Variants in RSRC1 observed in about 807,000 individuals in gnomAD.
RSRC1 encodes the protein arginine and serine rich coiled-coil 1.
In RSRC1, 39 loss-of-function variants were observed where a neutral mutation model predicts 49.1. The observed-to-expected ratio is 0.79, with a 90% CI of 0.61 to 1.04. RSRC1 has a LOEUF of 1.04. RSRC1 is among the 50% of genes least tolerant of loss of function. The pLI, the probability that RSRC1 is intolerant of heterozygous loss-of-function variation, is 0.00. For missense variants in RSRC1, 388 were observed against 402.4 expected (o/e 0.96, Z 0.31); for synonymous variants, 143 against 130.8 (o/e 1.09, Z -0.63).
In RSRC1 at chr3:158,538,359, A is replaced by C. The variant is rs149515561; in HGVS notation, c.759+1161A>C. 1.1e-4 allele frequency among the ~76,000 whole-genome samples: 16 copies of C among 151,974 alleles called. No homozygotes were observed. The East Asian group carries it at 2.3e-3, about 22-fold the overall frequency. ...TCCTTTGAACTTTTGATAGTTTGCC[A>C]CCACAACTCCTAAAAAAATGGGGCT... is the stretch of plus-strand genomic sequence containing the variant. On this transcript the variant is annotated intron_variant, in intron 8 of 9. Transcript: ENST00000611884.
At chr3:158,251,223 T>G (rs1724193232) in intron 4 of RSRC1, among the ~76,000 whole-genome samples, 1 of 152,176 alleles carries the variant, frequency 6.6e-6, no homozygotes, top group Non-Finnish European at 1.5e-5. Context: ...TTACTATAGC[T>G]CTGTAGTTTT....
chr3:158,464,348 A>G (rs1193072074), intron 7 of RSRC1, among the ~76,000 whole-genome samples: 2 of 152,164 alleles, frequency 1.3e-5, no homozygotes, highest in Non-Finnish European at 2.9e-5. Context: ...TCTCTCTAAT[A>G]TGAATTTCCT....
At chr3:158,181,955 A>G (rs550931611) in intron 3 of RSRC1, among the ~76,000 whole-genome samples, 16 of 152,260 alleles carry the variant, frequency 1.1e-4, no homozygotes, top group African/African-American at 3.8e-4. Flanking sequence ...CAGAGCTTAC[A>G]TTCTAACAAG....
At chr3:158,283,338 G>T (rs1362230861) in intron 4 of RSRC1, among the ~76,000 whole-genome samples, 1 of 151,352 alleles carries the variant, frequency 6.6e-6, no homozygotes, top group Admixed American at 6.6e-5. Flanking sequence ...TTTCATGGAA[G>T]ACACTTTAGA....
At chr3:158,311,984 C>T (rs1728155659) in intron 5 of RSRC1, among the ~76,000 whole-genome samples, 2 of 152,006 alleles carry the variant, frequency 1.3e-5, no homozygotes, top group South Asian at 4.2e-4. Context: ...GAGTATTAAT[C>T]CATAAGAGTA....
chr3:158,417,978 G>T (rs1210454707), intron 6 of RSRC1, among the ~76,000 whole-genome samples: 1 of 151,866 alleles, frequency 6.6e-6, no homozygotes, highest in African/African-American at 2.4e-5. Flanking sequence ...TAAGCCCAAA[G>T]TTGATTGTCA....
At chr3:158,136,234 T>C (rs920348940) in intron 3 of RSRC1, among the ~76,000 whole-genome samples, 4 of 152,212 alleles carry the variant, frequency 2.6e-5, no homozygotes, top group African/African-American at 9.6e-5. Flanking sequence ...GATTCGAAAT[T>C]ACATGAAAAT....
intron 7 of RSRC1, among the ~76,000 whole-genome samples, chr3:158,521,129 A>G: frequency 6.6e-6 from 1 of 152,184 alleles, no homozygotes; most frequent in East Asian, 1.9e-4. Context: ...TTAGAAGACT[A>G]GTCACCTATT....
intron 3 of RSRC1, among the ~76,000 whole-genome samples, chr3:158,148,225 A>G (rs1338847105): frequency 6.6e-6 from 1 of 152,122 alleles, no homozygotes; most frequent in Non-Finnish European, 1.5e-5. Flanking sequence ...TGTTTGGTGC[A>G]TGTAAGACTA....
At chr3:158,285,822 A>G (rs1003442986) in intron 4 of RSRC1, among the ~76,000 whole-genome samples, 2 of 152,272 alleles carry the variant, frequency 1.3e-5, no homozygotes, top group East Asian at 1.9e-4. Flanking sequence ...TAGATATACA[A>G]TCATGTCATC....
At chr3:158,235,651 AT>A (rs36018934) in intron 4 of RSRC1, among the ~76,000 whole-genome samples, 72,314 of 151,906 alleles carry the variant, frequency 0.48, 17,767 homozygotes, top group East Asian at 0.64. Context: ...TTTACATATA[AT>A]TTTTCTCCTT....
chr3:158,437,956 C>G lies in RSRC1; in HGVS notation c.584-22979C>G, dbSNP rs903631110. On this transcript the variant is annotated intron_variant, in intron 6 of 9. Coordinates refer to ENST00000611884, the MANE Select transcript of RSRC1 (RefSeq NM_001271838.2). ...CCCAAAATCTCCTTCAGCTGATAAA[C>G]AACTTCAGCAAAGTCTCAGGATACA... Among the ~76,000 whole-genome samples, 4 of 152,144 alleles carry G rather than the reference C, an allele frequency of 2.6e-5. No individual in the cohort carries two copies. In the East Asian group the frequency reaches 7.7e-4, roughly 29 times the overall value.
intron 4 of RSRC1, among the ~76,000 whole-genome samples, chr3:158,271,979 G>A (rs928174546): frequency 1.3e-5 from 2 of 151,978 alleles, no homozygotes; most frequent in African/African-American, 4.8e-5. Flanking sequence ...TTTGTTTAAT[G>A]TGCATTGATA....
At chr3:158,408,537 A>G (rs1385253969) in intron 6 of RSRC1, among the ~76,000 whole-genome samples, 1 of 152,212 alleles carries the variant, frequency 6.6e-6, no homozygotes, top group Non-Finnish European at 1.5e-5. Context: ...CAGAAAAAAA[A>G]TGAGCAAATT....
chr3:158,517,370 A>T (rs1030337298), intron 7 of RSRC1, among the ~76,000 whole-genome samples: 2 of 152,048 alleles, frequency 1.3e-5, no homozygotes, highest in Non-Finnish European at 2.9e-5. Flanking sequence ...CACTGACTGC[A>T]ACCCCCACTA....
At chr3:158,360,071 C>T (rs1731384064) in intron 6 of RSRC1, among the ~76,000 whole-genome samples, 1 of 152,084 alleles carries the variant, frequency 6.6e-6, no homozygotes. Context: ...CTGCAGCTCT[C>T]TGCAGAGAGA....
At chr3:158,183,809 G>A (rs534362165) in intron 3 of RSRC1, among the ~76,000 whole-genome samples, 38 of 152,054 alleles carry the variant, frequency 2.5e-4, no homozygotes, top group African/African-American at 8.2e-4. Flanking sequence ...CTAGCTACTC[G>A]GGGGGCTGAT....
At chr3:158,469,315 C>A in intron 7 of RSRC1, 2 of 425,914 alleles carry the variant, frequency 4.7e-6, no homozygotes, top group East Asian at 7.5e-5. Context: ...TTCAATCATC[C>A]TAAAGTCTAC....
chr3:158,507,200 T>C (rs190424497), intron 7 of RSRC1, among the ~76,000 whole-genome samples: 78 of 148,922 alleles, frequency 5.2e-4, no homozygotes, highest in African/African-American at 1.9e-3. Context: ...GTAGATCTCA[T>C]GGAGGTAGAA....
Sources: gnomAD v4.1 joint callset for allele counts (sites outside exome capture counted in the v4.1 genomes callset) on GRCh38, gnomAD v4.1.1 for gene constraint, MANE v1.5 for transcripts, NCBI Gene and HGNC (gene_info 2026-07-23, HGNC 2026-07-21) for gene names.